PCDHA3: variants seen among roughly 807,000 people sequenced by gnomAD.
PCDHA3 encodes the protein protocadherin alpha-3.
Under a neutral mutation model 62.2 loss-of-function variants are expected in PCDHA3, and 41 were observed. The ratio of observed to expected loss-of-function variants is 0.66; its 90% CI spans 0.51 to 0.86. The LOEUF (loss-of-function observed/expected upper bound fraction) is 0.86. Ranked by LOEUF, PCDHA3 falls within the 40% of genes least tolerant of loss-of-function variation. The pLI is 0.00. For missense variants in PCDHA3, 1,304 were observed against 1,241.2 expected, an observed-to-expected ratio of 1.05 and a Z score of -0.76; for synonymous variants, 640 against 555.4, an observed-to-expected ratio of 1.15 and a Z score of -2.14.
intron 3 of PCDHA3, among the ~76,000 whole-genome samples, chr5:140,987,811 C>CT (rs1444999429): frequency 6.6e-6 from 1 of 152,100 alleles, no homozygotes; most frequent in East Asian, 1.9e-4. Flanking sequence ...GTGCCTGTCT[C>CT]TTTGTTTCCT....
rs372206309 is a variant in PCDHA3, at chr5:140,802,317, G to T, written c.1120G>T (p.Val374Leu). Residue 374 changes from valine (V) to leucine (L), a missense_variant, in exon 1 of 4, where the codon GTG becomes TTG. Coordinates refer to ENST00000522353, the MANE Select transcript of PCDHA3 (RefSeq NM_018906.3). ...PLSTVIALIS[V>L]SDRDSGVNGQ... is the part of the protein sequence containing the mutation. ...TAGCACAGTCATCGCTCTGATCAGC[G>T]TGTCCGACCGCGACTCAGGAGTCAA... 7.4e-6 allele frequency: 12 copies of T among 1,614,206 alleles called. No homozygotes were observed. Among genetic ancestry groups the T allele is most frequent in the Middle Eastern group, 3.3e-4 (2 of 6,062 alleles).
intron 1 of PCDHA3, chr5:140,830,277 A>G (rs1770951301): frequency 6.2e-7 from 1 of 1,613,766 alleles, no homozygotes; most frequent in Non-Finnish European, 8.5e-7. Flanking sequence ...CCACCCACCG[A>G]GGGCGCGTGC....
chr5:140,875,989 A>G (rs782628581), intron 1 of PCDHA3: 1 of 1,613,992 alleles, frequency 6.2e-7, no homozygotes, highest in South Asian at 1.1e-5. Flanking sequence ...CTATGCGTTA[A>G]GTCTAAATGA....
At chr5:140,858,190 G>T in intron 1 of PCDHA3, 1 of 1,597,502 alleles carries the variant, frequency 6.3e-7, no homozygotes, top group Admixed American at 1.7e-5. Context: ...TCACGCTGCT[G>T]CTGTACACTG....
chr5:140,824,627 T>TTTTTTTTTTTTTTTTTTTTTTTG (rs1554130003), intron 1 of PCDHA3: 1 of 134,010 alleles, frequency 7.5e-6, no homozygotes, highest in African/African-American at 3.2e-5. Flanking sequence ...TTTTTTTTTT[T>TTTTTTTTTTTTTTTTTTTTTTTG]TTTTTATTTT....
intron 1 of PCDHA3, chr5:140,814,709 G>C (rs1765568789): frequency 6.6e-6 from 1 of 152,108 alleles, no homozygotes; most frequent in Non-Finnish European, 1.5e-5. Flanking sequence ...ATCATCACTA[G>C]GTGATAGGAA....
chr5:140,803,043 G>T lies in PCDHA3; in HGVS notation c.1846G>T (p.Gly616Cys), dbSNP rs142788061. ...TTCGTATGAGCTGCAGCCTGGGACC[G>T]GCGGTGCGCGCATCCCGTTTCGCGT... ...WLSYELQPGT[G>C]GARIPFRVGL... is the part of the protein sequence containing the mutation. Residue 616 changes from glycine (G) to cysteine (C), a missense_variant, in exon 1 of 4, where the codon GGC becomes TGC. Coordinates refer to ENST00000522353, the MANE Select transcript of PCDHA3 (RefSeq NM_018906.3). The T allele has an allele frequency of 1.7e-5, 27 of 1,614,014 alleles. No homozygotes were observed. Among genetic ancestry groups the T allele is most frequent in the Non-Finnish European group, 2.3e-5 (27 of 1,179,942 alleles).
intron 1 of PCDHA3, among the ~76,000 whole-genome samples, chr5:140,838,420 G>A (rs1431483628): frequency 6.6e-6 from 1 of 151,224 alleles, no homozygotes; most frequent in Non-Finnish European, 1.5e-5. Flanking sequence ...CACCGCATCC[G>A]GCCTAAATTA....
chr5:140,823,178 C>G, intron 1 of PCDHA3: 2 of 1,613,864 alleles, frequency 1.2e-6, no homozygotes, highest in South Asian at 2.2e-5. Flanking sequence ...GAGAACAACC[C>G]GCCAGGCTGC....
chr5:140,893,210 G>C (rs2063874103), intron 1 of PCDHA3, among the ~76,000 whole-genome samples: 1 of 152,204 alleles, frequency 6.6e-6, no homozygotes, highest in Non-Finnish European at 1.5e-5. Flanking sequence ...GTAAGTATGG[G>C]AGGTGCAGGT....
rs1554122539 is a variant in PCDHA3 at position 140,803,038 on chromosome 5, G to C, written c.1841G>C (p.Gly614Ala). ...NAWLSYELQP[G>A]TGGARIPFRV... ...TGGCTTTCGTATGAGCTGCAGCCTG[G>C]GACCGGCGGTGCGCGCATCCCGTTT... The change falls in exon 1 of 4, where the codon GGG becomes GCG. Residue 614 changes from glycine to alanine, a missense_variant. Physicochemically the swap from Gly to Ala is moderately conservative, Grantham distance 60 (BLOSUM62 0). Transcript: ENST00000522353. 2.5e-6 allele frequency: 4 copies of C among 1,614,052 alleles called. No individual in the cohort carries two copies. The Admixed American group carries it at 6.7e-5, about 27-fold the overall frequency.
In PCDHA3 at chr5:140,970,051, C is replaced by T. The variant is rs915260486; in HGVS notation, c.2395-8898C>T. 4.0e-5 allele frequency among the ~76,000 whole-genome samples: 6 copies of T among 151,880 alleles called. No individual in the cohort carries two copies. The South Asian group carries it at 1.2e-3, about 32-fold the overall frequency. On this transcript the variant is annotated intron_variant, in intron 1 of 3. Coordinates refer to ENST00000522353, the MANE Select transcript of PCDHA3 (RefSeq NM_018906.3). Reference sequence around the variant, plus strand: ...TTAAGTACCAATTTGTCTGGTTGGTCCAGGGAGGTATTAGAATGAGTGGAT... The same window carrying T: ...TTAAGTACCAATTTGTCTGGTTGGTTCAGGGAGGTATTAGAATGAGTGGAT...
intron 1 of PCDHA3, among the ~76,000 whole-genome samples, chr5:140,832,930 G>T (rs537948111): frequency 6.6e-6 from 1 of 152,150 alleles, no homozygotes; most frequent in Non-Finnish European, 1.5e-5. Context: ...GTATTCATGA[G>T]AAGAGAGTAA....
Position 141,010,515 on chromosome 5 carries a change from CAA to C in PCDHA3, c.*579_*580del, listed in dbSNP as rs1554262971. ...ACCAGACTTTCTAAATCTTACAACTCAAGAGGTGGCAGCCACCCTCTAGGAGA... is the reference window on the plus strand; with the variant it reads ...ACCAGACTTTCTAAATCTTACAACTCGAGGTGGCAGCCACCCTCTAGGAGA... On this transcript the variant is annotated 3_prime_UTR_variant, in exon 4 of 4. Transcript: ENST00000522353. 4.1e-6 allele frequency: 2 copies of C among 483,800 alleles called. No individual in the cohort carries two copies. Among genetic ancestry groups the C allele is most frequent in the African/African-American group, 2.0e-5 (1 of 51,026 alleles). 30.0% of individuals were successfully genotyped at this position (483,800 alleles called of 1,614,324 possible).
intron 1 of PCDHA3, among the ~76,000 whole-genome samples, chr5:140,894,629 T>C (rs1406335031): frequency 6.6e-6 from 1 of 152,036 alleles, no homozygotes; most frequent in African/African-American, 2.4e-5. Flanking sequence ...TCTTCTCCAA[T>C]CATATCATTA....
chr5:140,856,471 A>T, intron 1 of PCDHA3: 3 of 1,597,970 alleles, frequency 1.9e-6, no homozygotes, highest in Non-Finnish European at 2.6e-6. Context: ...AGCTCTCAAT[A>T]CCTGAATCCA....
intron 1 of PCDHA3, chr5:140,836,109 G>C (rs2150253080): frequency 6.2e-7 from 1 of 1,613,728 alleles, no homozygotes; most frequent in Non-Finnish European, 8.5e-7. Flanking sequence ...CACTGGTGGC[G>C]CAGTGAGAGA....
At chr5:140,927,818 A>C (rs1554205106) in intron 1 of PCDHA3, 1 of 1,614,190 alleles carries the variant, frequency 6.2e-7, no homozygotes, top group Admixed American at 1.7e-5. Flanking sequence ...TTGGAGGCAT[A>C]CATTGAGGCG....
intron 1 of PCDHA3, chr5:140,812,494 G>A (rs557452358): frequency 3.3e-5 from 5 of 151,792 alleles, no homozygotes; most frequent in Admixed American, 2.6e-4. Context: ...CTTTATTATA[G>A]TATTTCCTCC....
Sources: gnomAD v4.1 joint callset for allele counts (sites outside exome capture counted in the v4.1 genomes callset) on GRCh38, gnomAD v4.1.1 for gene constraint, MANE v1.5 for transcripts, NCBI Gene and HGNC (gene_info 2026-07-23, HGNC 2026-07-21) for gene names.